RSRC1: variants seen among roughly 807,000 people sequenced by gnomAD.
RSRC1 encodes the protein arginine and serine rich coiled-coil 1.
A neutral mutation model predicts 49.1 loss-of-function variants in RSRC1; 39 were observed. The observed-to-expected ratio is 0.79, with a 90% CI of 0.61 to 1.04. The LOEUF is 1.04. Among genes scored for constraint, RSRC1 ranks in the 50% least tolerant of loss-of-function variants. The pLI is 0.00. For missense variants in RSRC1, 388 were observed against 402.4 expected (o/e 0.96, Z 0.31); for synonymous variants, 143 against 130.8 (o/e 1.09, Z -0.63).
chr3:158,379,012 T>C (rs1232431885), intron 6 of RSRC1, among the ~76,000 whole-genome samples: 1 of 152,078 alleles, frequency 6.6e-6, no homozygotes, highest in Non-Finnish European at 1.5e-5. Flanking sequence ...TTAAAACATA[T>C]GTACAATCTT....
intron 4 of RSRC1, among the ~76,000 whole-genome samples, chr3:158,285,381 T>C (rs2108086674): frequency 6.6e-6 from 1 of 152,338 alleles, no homozygotes; most frequent in East Asian, 1.9e-4. Flanking sequence ...ATGCGGGCTC[T>C]TTTTTGGTTC....
intron 4 of RSRC1, among the ~76,000 whole-genome samples, chr3:158,245,989 CA>C (rs1337080869): frequency 2.0e-5 from 3 of 152,024 alleles, no homozygotes; most frequent in Admixed American, 1.3e-4. Context: ...ATTCTGTATC[CA>C]TCTTGCCATT....
intron 6 of RSRC1, among the ~76,000 whole-genome samples, chr3:158,411,395 G>C (rs967275051): frequency 4.6e-5 from 7 of 152,002 alleles, no homozygotes; most frequent in Admixed American, 2.0e-4. Context: ...GTGGATATAC[G>C]AATTAATTTT....
At chr3:158,314,845 A>G (rs1363395382) in intron 5 of RSRC1, among the ~76,000 whole-genome samples, 1 of 152,170 alleles carries the variant, frequency 6.6e-6, no homozygotes, top group African/African-American at 2.4e-5. Flanking sequence ...TGGTGAAACC[A>G]AAATGGTGAA....
At chr3:158,312,938 G>T (rs1728209858) in intron 5 of RSRC1, among the ~76,000 whole-genome samples, 1 of 152,122 alleles carries the variant, frequency 6.6e-6, no homozygotes, top group Non-Finnish European at 1.5e-5. Flanking sequence ...CATACCTTCT[G>T]AGTGATTTAG....
chr3:158,327,803 T>C (rs941830842), intron 5 of RSRC1, among the ~76,000 whole-genome samples: 261 of 152,114 alleles, frequency 1.7e-3, no homozygotes, highest in African/African-American at 5.9e-3. Flanking sequence ...CTTTCTGTCT[T>C]GTTGATCTGT....
chr3:158,314,012 G>A (rs1728264059), intron 5 of RSRC1, among the ~76,000 whole-genome samples: 1 of 152,148 alleles, frequency 6.6e-6, no homozygotes, highest in Non-Finnish European at 1.5e-5. Flanking sequence ...TCTTTTAATA[G>A]GAATCCACAC....
intron 7 of RSRC1, among the ~76,000 whole-genome samples, chr3:158,491,514 A>G (rs1400288188): frequency 6.6e-6 from 1 of 152,176 alleles, no homozygotes; most frequent in Non-Finnish European, 1.5e-5. Flanking sequence ...TTGGATCCCA[A>G]ACGAAGAATG....
chr3:158,454,745 T>C (rs914846847), intron 6 of RSRC1, among the ~76,000 whole-genome samples: 5 of 152,178 alleles, frequency 3.3e-5, no homozygotes, highest in Non-Finnish European at 5.9e-5. Context: ...AAGATTGGTT[T>C]ACCTCAACTG....
At chr3:158,306,987 ATT>A (rs11296189) in intron 5 of RSRC1, among the ~76,000 whole-genome samples, 3 of 150,564 alleles carry the variant, frequency 2.0e-5, no homozygotes, top group African/African-American at 4.9e-5. Flanking sequence ...TATCAAAGTT[ATT>A]TTTTTTTTAA....
chr3:158,481,375 A>G (rs1043038403), intron 7 of RSRC1, among the ~76,000 whole-genome samples: 2 of 152,106 alleles, frequency 1.3e-5, no homozygotes, highest in Admixed American at 1.3e-4. Context: ...CACTGAATAA[A>G]CTTTGTGATT....
chr3:158,393,282 C>T (rs1733420007), intron 6 of RSRC1, among the ~76,000 whole-genome samples: 1 of 151,734 alleles, frequency 6.6e-6, no homozygotes, highest in Non-Finnish European at 1.5e-5. Context: ...GCGAATCAAT[C>T]CGAAAGCTAG....
At chr3:158,513,614 G>A (rs1437415920) in intron 7 of RSRC1, among the ~76,000 whole-genome samples, 1 of 152,162 alleles carries the variant, frequency 6.6e-6, no homozygotes, top group Non-Finnish European at 1.5e-5. Flanking sequence ...TTGGTATCAG[G>A]ATGATGCTGG....
At chr3:158,324,343 A>G (rs1332484939) in intron 5 of RSRC1, among the ~76,000 whole-genome samples, 1 of 151,952 alleles carries the variant, frequency 6.6e-6, no homozygotes, top group East Asian at 1.9e-4. Context: ...TTAACTCGTC[A>G]TTTACATTAG....
At chr3:158,241,598 C>A (rs978690563) in intron 4 of RSRC1, among the ~76,000 whole-genome samples, 1 of 151,638 alleles carries the variant, frequency 6.6e-6, no homozygotes, top group African/African-American at 2.4e-5. Context: ...AAAAATCAGC[C>A]GGGTTAAGTG....
intron 7 of RSRC1, among the ~76,000 whole-genome samples, chr3:158,508,141 C>T (rs1386725117): frequency 1.3e-5 from 2 of 151,822 alleles, no homozygotes; most frequent in African/African-American, 4.8e-5. Context: ...TTTGGTTTTG[C>T]TTTAAAAAAA....
At chr3:158,185,522 A>G (rs1719879817) in intron 3 of RSRC1, among the ~76,000 whole-genome samples, 1 of 151,930 alleles carries the variant, frequency 6.6e-6, no homozygotes, top group Non-Finnish European at 1.5e-5. Context: ...TAATGAAATT[A>G]TTGGTGCTGT....
chr3:158,542,168 C>G (rs1713066997), intron 8 of RSRC1, among the ~76,000 whole-genome samples: 1 of 152,026 alleles, frequency 6.6e-6, no homozygotes, highest in Non-Finnish European at 1.5e-5. Flanking sequence ...TAGATCCATA[C>G]AATGGGACAT....
chr3:158,359,794 C>A (rs1731369182), intron 6 of RSRC1, among the ~76,000 whole-genome samples: 1 of 152,156 alleles, frequency 6.6e-6, no homozygotes, highest in Non-Finnish European at 1.5e-5. Context: ...CTTCCCTATT[C>A]ATTGGATCCT....
Sources: gnomAD v4.1 joint callset for allele counts (sites outside exome capture counted in the v4.1 genomes callset) on GRCh38, gnomAD v4.1.1 for gene constraint, MANE v1.5 for transcripts, NCBI Gene and HGNC (gene_info 2026-07-23, HGNC 2026-07-21) for gene names.